The following WDR41 variants were observed in gnomAD, a reference collection of about 807,000 sequenced individuals.
WDR41 encodes the protein WD repeat domain 41.
Under a neutral mutation model 69.3 loss-of-function variants are expected in WDR41, and 63 were observed. The observed-to-expected ratio is 0.91, with a 90% CI of 0.74 to 1.12. The LOEUF is 1.12. Among genes scored for constraint, WDR41 ranks in the 50% most tolerant of loss-of-function variants. The pLI is 0.00. For missense variants in WDR41, 543 were observed against 534.5 expected, an observed-to-expected ratio of 1.02 and a Z score of -0.16; for synonymous variants, 185 against 192.1, an observed-to-expected ratio of 0.96 and a Z score of 0.31.
intron 1 of WDR41, 117 bp from the exon 2 acceptor site, chr5:77,489,689 A>G (rs1801683340): frequency 1.9e-6 from 1 of 534,674 alleles, no homozygotes; most frequent in South Asian, 3.5e-5. Flanking sequence ...ACAAGATTTT[A>G]AAAGCCTTAA....
chr5:77,438,354 A>G lies in WDR41; in HGVS notation c.890T>C (p.Phe297Ser). ...HHFTCDEENV[F>S]AAVGRGLYVY... ...GTATAAACCCCTTCCAACTGCAGCAAATACATTCTAGGGGAAGAAGTTCAG... is the reference window on the plus strand; with the variant it reads ...GTATAAACCCCTTCCAACTGCAGCAGATACATTCTAGGGGAAGAAGTTCAG... The change falls in exon 10 of 13, where the codon TTT becomes TCT. Residue 297 changes from phenylalanine (F) to serine (S), a missense_variant. Physicochemically the swap from Phe to Ser is radical, Grantham distance 155. Coordinates refer to ENST00000296679, the MANE Select transcript of WDR41 (RefSeq NM_018268.4). 3 of 1,613,924 alleles carry G rather than the reference A, an allele frequency of 1.9e-6. No individual in the cohort carries two copies. Among genetic ancestry groups the G allele is most frequent in the East Asian group, 2.2e-5 (1 of 44,874 alleles).
At chr5:77,464,153 A>G (rs1046340451) in intron 3 of WDR41, among the ~76,000 whole-genome samples, 35 of 152,248 alleles carry the variant, frequency 2.3e-4, no homozygotes, top group African/African-American at 7.5e-4. Context: ...AATCAACACA[A>G]TTCATTTATT....
intron 2 of WDR41, among the ~76,000 whole-genome samples, chr5:77,473,961 T>A (rs941739293): frequency 5.2e-4 from 79 of 152,332 alleles, no homozygotes; most frequent in Non-Finnish European, 7.6e-4. Flanking sequence ...TTATAAATCA[T>A]GCTGCTATAA....
intron 2 of WDR41, among the ~76,000 whole-genome samples, chr5:77,477,320 A>G (rs867357243): frequency 1.8e-4 from 27 of 150,450 alleles, no homozygotes; most frequent in Middle Eastern, 3.4e-3. Context: ...TGCACCAAGC[A>G]GACCTAATAG....
chr5:77,514,896 T>C (rs746443453), intron 1 of WDR41, among the ~76,000 whole-genome samples: 1 of 152,172 alleles, frequency 6.6e-6, no homozygotes, highest in South Asian at 2.1e-4. Flanking sequence ...TAAAAGGGTC[T>C]ACTTGTATAG....
chr5:77,441,413 G>C (rs1317851783), intron 8 of WDR41, among the ~76,000 whole-genome samples: 2 of 152,132 alleles, frequency 1.3e-5, no homozygotes, highest in Admixed American at 1.3e-4. Flanking sequence ...CGGAAGCAGA[G>C]TGGGGTGCCA....
intron 8 of WDR41, among the ~76,000 whole-genome samples, chr5:77,443,862 C>A (rs1799268482): frequency 6.9e-6 from 1 of 145,820 alleles, no homozygotes; most frequent in Admixed American, 7.1e-5. Context: ...ATACGGCATT[C>A]AGCTCAATCA....
At chr5:77,438,984 G>A (rs72769034) in intron 9 of WDR41, among the ~76,000 whole-genome samples, 2,753 of 152,158 alleles carry the variant, frequency 0.018, 35 homozygotes, top group Middle Eastern at 0.061. Context: ...TCACAACATC[G>A]TGTTAAGAAA....
intron 1 of WDR41, among the ~76,000 whole-genome samples, chr5:77,514,438 TA>T (rs1413043651): frequency 6.6e-6 from 1 of 152,232 alleles, no homozygotes; most frequent in Non-Finnish European, 1.5e-5. Flanking sequence ...TATTTGCTTT[TA>T]CAGAATCATA....
chr5:77,504,154 G>C (rs1802068303), intron 1 of WDR41, among the ~76,000 whole-genome samples: 2 of 150,904 alleles, frequency 1.3e-5, no homozygotes, highest in African/African-American at 4.9e-5. Flanking sequence ...AAAAAAAAAA[G>C]AGAAGAATCA....
At chr5:77,464,913 C>A in intron 2 of WDR41, 104 bp from the exon 3 acceptor site, 1 of 1,147,768 alleles carries the variant, frequency 8.7e-7, no homozygotes, top group Non-Finnish European at 1.3e-6. Flanking sequence ...CTAATATTAA[C>A]GAAGATCAAG....
chr5:77,431,529 A>ATCTC lies in WDR41; in HGVS notation c.*1602_*1605dup, dbSNP rs1353548241. On this transcript the variant is annotated 3_prime_UTR_variant, in exon 13 of 13. Coordinates refer to ENST00000296679, the MANE Select transcript of WDR41 (RefSeq NM_018268.4). ...TGTGGTCTGAAACCTAACCTGTAGTATCTCTGAGGTACGCCTGTATAATGA... is the reference window on the plus strand; with the variant it reads ...TGTGGTCTGAAACCTAACCTGTAGTATCTCTCTCTGAGGTACGCCTGTATAATGA... 1.3e-5 allele frequency: 2 copies of ATCTC among 152,318 alleles called. No individual in the cohort carries two copies. Among genetic ancestry groups the ATCTC allele is most frequent in the Admixed American group, 1.3e-4 (2 of 15,306 alleles). 9.4% of individuals were successfully genotyped at this position (152,318 alleles called of 1,614,324 possible).
At chr5:77,455,905 T>A (rs1367647239) in intron 5 of WDR41, among the ~76,000 whole-genome samples, 1 of 152,132 alleles carries the variant, frequency 6.6e-6, no homozygotes, top group Non-Finnish European at 1.5e-5. Flanking sequence ...TTTTTCCATT[T>A]TAAGATTGTT....
chr5:77,560,005 G>A (rs1743492274), intron 1 of WDR41, among the ~76,000 whole-genome samples: 1 of 151,986 alleles, frequency 6.6e-6, no homozygotes, highest in Non-Finnish European at 1.5e-5. Context: ...GGGGGAAAAG[G>A]GAGACTCCCA....
At chr5:77,457,468 G>A (rs1799880808) in intron 5 of WDR41, among the ~76,000 whole-genome samples, 1 of 151,986 alleles carries the variant, frequency 6.6e-6, no homozygotes, top group Non-Finnish European at 1.5e-5. Context: ...TTATAAAAAT[G>A]TATTTGTAGT....
chr5:77,600,019 C>T (rs950025346), intron 1 of WDR41, among the ~76,000 whole-genome samples: 2 of 152,168 alleles, frequency 1.3e-5, no homozygotes, highest in Admixed American at 1.3e-4. Flanking sequence ...CGGATCATGG[C>T]ATTCTCCTTC....
At chr5:77,592,935 T>C (rs968690431) in intron 1 of WDR41, among the ~76,000 whole-genome samples, 49 of 152,156 alleles carry the variant, frequency 3.2e-4, no homozygotes, top group Non-Finnish European at 4.9e-4. Context: ...AAACAGGTGT[T>C]CACCATAAAT....
intron 1 of WDR41, among the ~76,000 whole-genome samples, chr5:77,583,711 C>G (rs1001382489): frequency 1.3e-5 from 2 of 152,026 alleles, no homozygotes; most frequent in African/African-American, 4.8e-5. Context: ...AATCCCAATT[C>G]CAAAAAATAG....
intron 1 of WDR41, among the ~76,000 whole-genome samples, chr5:77,562,827 G>A (rs76605586): frequency 0.035 from 5,302 of 152,232 alleles, 129 homozygotes; most frequent in Middle Eastern, 0.1. Flanking sequence ...TTATTAGTGC[G>A]TCTGTAAAGT....
Sources: allele counts gnomAD v4.1 joint callset (sites outside exome capture counted in the v4.1 genomes callset), GRCh38; gene constraint gnomAD v4.1.1; transcripts MANE v1.5; gene names NCBI Gene and HGNC (gene_info 2026-07-23, HGNC 2026-07-21).